Variants in ABCB9 observed in about 807,000 individuals in gnomAD.
ABCB9 encodes the protein ABC-type oligopeptide transporter ABCB9.
In ABCB9, 36 loss-of-function variants were observed where a neutral mutation model predicts 62.0. The observed-to-expected ratio is 0.58, with a 90% CI of 0.45 to 0.77. The LOEUF (loss-of-function observed/expected upper bound fraction) is 0.77, where lower values mean the gene tolerates loss of function less well. Among genes scored for constraint, ABCB9 ranks in the 30% least tolerant of loss-of-function variants. The probability of loss-of-function intolerance (pLI) is 0.00; values close to 1 mark genes in which losing one functional copy is unlikely to be tolerated. For synonymous variants in ABCB9, 435 were observed against 461.4 expected (o/e 0.94, Z 0.73); for missense variants, 943 against 1,054.7 (o/e 0.89, Z 1.47).
Position 122,935,284 on chromosome 12 carries a change from C to T in ABCB9, c.1891G>A (p.Gly631Ser), listed in dbSNP as rs369456007. The part of the protein sequence containing the change: ...AHGFIMELQD[G>S]YSTETGEKGA... ...CCCAGCTCCACACCTGTGCTGTAGC[C>T]GTCCTGGAGTTCCATGATGAAGCCG... Residue 631 changes from glycine to serine, a missense_variant, in exon 10 of 12, where the codon GGC (glycine) becomes AGC (serine). Transcript: ENST00000280560. The T allele has an allele frequency of 1.1e-5, 17 of 1,609,426 alleles. No homozygotes were observed. Among genetic ancestry groups the T allele is most frequent in the East Asian group, 6.7e-5 (3 of 44,774 alleles).
At chr12:122,927,722 C>T (rs757511907), downstream of ABCB9, among the ~76,000 whole-genome samples, 5 of 152,120 alleles carry the variant, frequency 3.3e-5, no homozygotes, top group South Asian at 2.1e-4. Flanking sequence ...AAGCCCCTTG[C>T]GAGGGACTTT....
chr12:122,937,155 C>T (rs568352819), intron 9 of ABCB9, among the ~76,000 whole-genome samples: 132 of 151,284 alleles, frequency 8.7e-4, no homozygotes, highest in Admixed American at 3.0e-3. Flanking sequence ...GTCAGGAGTT[C>T]GAGACCAGCC....
rs2036802011 is a variant in ABCB9 at position 122,959,887 on chromosome 12, A to T, written c.349T>A (p.Trp117Arg). 1 of 1,613,454 alleles carries T rather than the reference A, an allele frequency of 6.2e-7. No homozygotes were observed. Residue 117 changes from tryptophan to arginine, a missense_variant, in exon 2 of 12, where the codon TGG becomes AGG. Physicochemically the swap from Trp to Arg is moderately radical, Grantham distance 101. Coordinates refer to ENST00000280560, the MANE Select transcript of ABCB9 (RefSeq NM_019625.4). The surrounding 1 kb of genome is among the most constrained non-coding windows in gnomAD (Gnocchi z 5.4). ...ATGTACGTCCACACGAACAGGGCCCAAAACCAGGGGTCCCGGATGGGCCTG... is the reference window on the plus strand; with the variant it reads ...ATGTACGTCCACACGAACAGGGCCCTAAACCAGGGGTCCCGGATGGGCCTG... ...VRRPIRDPWF[W>R]ALFVWTYISL...
At chr12:122,928,212 A>G (rs746940681), downstream of ABCB9, among the ~76,000 whole-genome samples, 16 of 152,162 alleles carry the variant, frequency 1.1e-4, no homozygotes, top group Non-Finnish European at 2.2e-4. Flanking sequence ...GCTCACGCCT[A>G]TAATCCCAGC....
At position 122,930,301 on chromosome 12, in the gene ABCB9, G is replaced by C; in HGVS notation, c.2041-130C>G. Reference sequence around the variant, plus strand: ...GTTCACAAACGATGGCCAGCTTCCTGGGTTTTTCTTAAAGGGAGACAGCTC... The same window carrying C: ...GTTCACAAACGATGGCCAGCTTCCTCGGTTTTTCTTAAAGGGAGACAGCTC... On this transcript the variant is annotated intron_variant, in intron 11 of 11. Transcript: ENST00000280560. The surrounding 1 kb of genome is among the most constrained non-coding windows in gnomAD (Gnocchi z 4.9). The C allele has an allele frequency of 1.0e-6, 1 of 973,024 alleles. No individual in the cohort carries two copies. Among genetic ancestry groups the C allele is most frequent in the East Asian group, 2.7e-5 (1 of 37,520 alleles). 60.3% of individuals were successfully genotyped at this position (973,024 alleles called of 1,614,324 possible). A position where few individuals can be genotyped will look rare whatever the true frequency, so the allele number is the denominator to read the frequency against.
intron 1 of ABCB9, among the ~76,000 whole-genome samples, chr12:122,971,861 G>C (rs2037273830): frequency 6.6e-6 from 1 of 152,174 alleles, no homozygotes; most frequent in Admixed American, 6.5e-5. Flanking sequence ...GTGTGGGATG[G>C]TGATGGTGGG....
At chr12:122,927,758 C>T (rs1041162448), downstream of ABCB9, among the ~76,000 whole-genome samples, 16 of 152,290 alleles carry the variant, frequency 1.1e-4, no homozygotes, top group Admixed American at 7.2e-4. Context: ...CCAACACTGA[C>T]GCTACAAACT....
chr12:122,921,039 C>T, exon 12 of ABCB9: 2 of 1,535,366 alleles, frequency 1.3e-6, no homozygotes, highest in South Asian at 2.4e-5. Flanking sequence ...GCTGGTCATT[C>T]AGATCTAAGA....
Position 122,946,057 on chromosome 12 carries a change from C to A in ABCB9, c.1219G>T (p.Ala407Ser), listed in dbSNP as rs1401937495. ...CCCCAGACGTAGTACATGTAGGCAG[C>A]TGCCTCCTTCCTGTTCAGCTTGTAC... ...QVYKLNRKEA[A>S]AYMYYVWGSG... The change falls in exon 6 of 12, where the codon GCT becomes TCT. Residue 407 changes from alanine to serine, a missense_variant. By Grantham distance (99) the Ala-to-Ser change is moderately conservative. Transcript: ENST00000280560. 3 of 1,613,750 alleles carry A rather than the reference C, an allele frequency of 1.9e-6. No individual in the cohort carries two copies. In the African/African-American group the frequency reaches 4.0e-5, roughly 22 times the overall value.
At chr12:122,968,580 A>G (rs532206858), upstream of ABCB9, among the ~76,000 whole-genome samples, 32 of 147,358 alleles carry the variant, frequency 2.2e-4, no homozygotes, top group Non-Finnish European at 3.5e-4. Flanking sequence ...CTTCACATGG[A>G]TGTTGCTTTC....
At chr12:122,973,610 C>T (rs575473585) in intron 1 of ABCB9, among the ~76,000 whole-genome samples, 1 of 55,350 alleles carries the variant, frequency 1.8e-5, no homozygotes, top group Non-Finnish European at 3.5e-5. Flanking sequence ...AAAAAAAAAA[C>T]AAAAACTTTG....
At chr12:122,937,416 T>A (rs1318792076) in intron 9 of ABCB9, among the ~76,000 whole-genome samples, 5 of 150,390 alleles carry the variant, frequency 3.3e-5, no homozygotes, top group Admixed American at 2.0e-4. Flanking sequence ...AGGCTATTCA[T>A]GAAGGAAAAC....
rs1451419590 is a variant in ABCB9 at position 122,935,259 on chromosome 12, C to T, written c.1903+13G>A. ...CTGTGGGCCCAGGAGAGGGGCCACC[C>T]CCAGCTCCACACCTGTGCTGTAGCC... On this transcript the variant is annotated intron_variant, in intron 10 of 11. Transcript: ENST00000280560. 6.3e-7 allele frequency: 1 copy of T among 1,595,866 alleles called. No homozygotes were observed. The highest frequency in any genetic ancestry group is 8.5e-7 in the Non-Finnish European group (1 of 1,170,192).
intron 9 of ABCB9, among the ~76,000 whole-genome samples, chr12:122,937,593 C>T (rs1018115015): frequency 1.3e-5 from 2 of 152,174 alleles, no homozygotes; most frequent in Non-Finnish European, 2.9e-5. Flanking sequence ...GTGTGAACGG[C>T]TCTGCCCAGG....
rs970299040 is a variant in ABCB9, at chr12:122,929,001, A to G, written c.*910T>C. 3.0e-6 allele frequency: 3 copies of G among 985,806 alleles called. No individual in the cohort carries two copies. The African/African-American group carries it at 5.2e-5, about 17-fold the overall frequency. The allele number at this position is 985,806 out of a possible 1,614,324, so 61.1% of individuals were successfully genotyped here. ...AAGTAGAAGTCAGAGGTTAGGGGTAAGAGGTAGTACACTTTATTGACCGGG... is the reference window on the plus strand; with the variant it reads ...AAGTAGAAGTCAGAGGTTAGGGGTAGGAGGTAGTACACTTTATTGACCGGG... On this transcript the variant is annotated 3_prime_UTR_variant, in exon 12 of 12. Transcript: ENST00000280560. This position sits in a 1 kb window ranked among gnomAD's most constrained non-coding sequence, Gnocchi z 6.0.
chr12:122,943,697 T>C (rs1397323239), intron 7 of ABCB9, among the ~76,000 whole-genome samples: 2 of 151,948 alleles, frequency 1.3e-5, no homozygotes, highest in Admixed American at 1.3e-4. Flanking sequence ...TGGCGCGATC[T>C]TGGCTCACTG....
At position 122,932,303 on chromosome 12, in the gene ABCB9, C is replaced by G. The variant is rs773334111; in HGVS notation, c.1929G>C (p.Leu643=). 1.3e-6 allele frequency: 2 copies of G among 1,551,112 alleles called. No individual in the cohort carries two copies. The highest frequency in any genetic ancestry group is 1.4e-5 in the African/African-American group (1 of 73,058). ...STETGEKGAQ[L]SGGQKQRVAM... ...CCACCCGCTGCTTCTGGCCACCTGA[C>G]AGCTGGGCGCCCTTCTCCCCTGTCT... The change falls in exon 11 of 12, where the codon CTG becomes CTC. Residue 643 remains leucine, a synonymous_variant. Transcript: ENST00000280560. The surrounding 1 kb of genome is among the most constrained non-coding windows in gnomAD (Gnocchi z 4.7).
At chr12:122,965,881 G>A (rs1012138142) in intron 1 of ABCB9, among the ~76,000 whole-genome samples, 1 of 152,232 alleles carries the variant, frequency 6.6e-6, no homozygotes, top group East Asian at 1.9e-4. Context: ...GCAGGAACAG[G>A]CCAGATCCCC....
rs2035917815 is a variant in ABCB9, at chr12:122,944,271, T to C, written c.1380+120A>G. On this transcript the variant is annotated intron_variant, in intron 7 of 11. Transcript: ENST00000280560. This position sits in a 1 kb window ranked among gnomAD's most constrained non-coding sequence, Gnocchi z 4.9. The stretch of plus-strand genomic sequence containing the variant: ...ATATGATCATGCTGTCTCCCCTACT[T>C]ACCTTAGAGAGAAATACCACATTGT... 2.1e-6 allele frequency: 3 copies of C among 1,418,156 alleles called. No individual in the cohort carries two copies. The Admixed American group carries it at 6.3e-5, about 30-fold the overall frequency. The allele number at this position is 1,418,156 out of a possible 1,614,324, so 87.8% of individuals were successfully genotyped here.
Sources: gnomAD v4.1 joint callset for allele counts (sites outside exome capture counted in the v4.1 genomes callset) on GRCh38, gnomAD v4.1.1 for gene constraint, Gnocchi (gnomAD v3.1) non-coding constraint, MANE v1.5 for transcripts, NCBI Gene and HGNC (gene_info 2026-07-23, HGNC 2026-07-21) for gene names.